Variants in CHDH observed in about 807,000 individuals in gnomAD.
CHDH encodes choline dehydrogenase, mitochondrial.
Under a neutral mutation model 56.9 loss-of-function variants are expected in CHDH, and 43 were observed. That is an observed-to-expected ratio of 0.76 (90% CI 0.59 to 0.97). The LOEUF is 0.97. Ranked by LOEUF, CHDH falls within the 50% of genes least tolerant of loss-of-function variation. The pLI is 0.00. For missense variants in CHDH, 816 were observed against 821.1 expected, an observed-to-expected ratio of 0.99 and a Z score of 0.08; for synonymous variants, 364 against 348.5, an observed-to-expected ratio of 1.04 and a Z score of -0.50.
At position 53,836,885 on chromosome 3, in the gene CHDH, C is replaced by T. The variant is rs373376561; in HGVS notation, c.-60+4044G>A. On this transcript the variant is annotated intron_variant, in intron 2 of 8. Transcript: ENST00000315251. Reference sequence around the variant, plus strand: ...ATCAAAACCAACATGATGGACACTTCGTATGTCTGTTGCACCTCAATTAAA... The same window carrying T: ...ATCAAAACCAACATGATGGACACTTTGTATGTCTGTTGCACCTCAATTAAA... 1.5e-4 allele frequency among the ~76,000 whole-genome samples: 23 copies of T among 152,326 alleles called. No homozygotes were observed. The East Asian group carries it at 3.1e-3, about 20-fold the overall frequency.
chr3:53,836,107 G>GACC (rs1698486309), intron 2 of CHDH, among the ~76,000 whole-genome samples: 2 of 152,208 alleles, frequency 1.3e-5, no homozygotes, highest in Non-Finnish European at 2.9e-5. Context: ...GCCCTGTGGT[G>GACC]GGCTGAGGGG....
intron 1 of CHDH, among the ~76,000 whole-genome samples, chr3:53,842,366 T>G (rs1376448143): frequency 6.6e-6 from 1 of 152,176 alleles, no homozygotes; most frequent in Non-Finnish European, 1.5e-5. Context: ...TCCTGTTGCA[T>G]GTGCCCAACA....
At chr3:53,821,497 T>C in intron 5 of CHDH, 150 bp downstream of exon 5, 1 of 683,750 alleles carries the variant, frequency 1.5e-6, no homozygotes, top group South Asian at 2.1e-5. Flanking sequence ...CAGTGAGGCC[T>C]GGGAAACCTT....
At chr3:53,844,007 A>T (rs1698764304) in intron 1 of CHDH, among the ~76,000 whole-genome samples, 1 of 152,132 alleles carries the variant, frequency 6.6e-6, no homozygotes. Context: ...GCTAGGGGGG[A>T]AAACCCCCGA....
Position 53,846,126 on chromosome 3 carries a change from G to A in CHDH, c.-174C>T, listed in dbSNP as rs937434599. 2 of 153,214 alleles carry A rather than the reference G, an allele frequency of 1.3e-5. No individual in the cohort carries two copies. The highest frequency in any genetic ancestry group is 4.8e-5 in the African/African-American group (2 of 41,488). The allele number at this position is 153,214 out of a possible 1,614,324, so 9.5% of individuals were successfully genotyped here. A position where few individuals can be genotyped will look rare whatever the true frequency, so the allele number is the denominator to read the frequency against. On this transcript the variant is annotated 5_prime_UTR_variant, in exon 1 of 9. Coordinates refer to ENST00000315251, the MANE Select transcript of CHDH (RefSeq NM_018397.5). ...GAGCCCGACAGTCGGGACCGGAGCG[G>A]GAGGAGCGGGTGGCCGCGGCCCGGC...
chr3:53,820,587 T>G lies in CHDH; in HGVS notation c.1007A>C (p.Asp336Ala). 1 of 1,608,504 alleles carries G rather than the reference T, an allele frequency of 6.2e-7. No individual in the cohort carries two copies. The highest frequency in any genetic ancestry group is 1.1e-5 in the South Asian group (1 of 90,362). Residue 336 changes from aspartate (D) to alanine (A), a missense_variant, in exon 6 of 9, where the codon GAC (aspartate) becomes GCC (alanine). Physicochemically the swap from Asp to Ala is moderately radical, Grantham distance 126. Transcript: ENST00000315251. The stretch of plus-strand genomic sequence containing the variant: ...CTGCTGAATGTAGATCTCCAGGTGG[T>G]CTTGCAGGTTCTGGCCAACCCCTGA... Reference protein sequence around the residue: ...HLPGVGQNLQDHLEIYIQQAC... With the variant: ...HLPGVGQNLQAHLEIYIQQAC...
intron 1 of CHDH, among the ~76,000 whole-genome samples, chr3:53,844,405 GTC>G (rs1359506111): frequency 1.8e-4 from 27 of 152,076 alleles, no homozygotes; most frequent in Non-Finnish European, 3.8e-4. Context: ...AGTGCCCTTG[GTC>G]TCTCTGCCCC....
chr3:53,827,640 T>C (rs112160062), intron 2 of CHDH, among the ~76,000 whole-genome samples: 1,535 of 152,066 alleles, frequency 0.01, 31 homozygotes, highest in African/African-American at 0.035. Context: ...TGCCCCTAAA[T>C]AAATAAATAA....
chr3:53,835,397 C>G (rs1220697588), intron 2 of CHDH, among the ~76,000 whole-genome samples: 1 of 152,236 alleles, frequency 6.6e-6, no homozygotes, highest in African/African-American at 2.4e-5. Context: ...CTGAAGTCAG[C>G]ACTGCCCCAG....
chr3:53,823,375 G>C lies in CHDH; in HGVS notation c.634C>G (p.Pro212Ala), dbSNP rs1219483465. 1.9e-6 allele frequency: 3 copies of C among 1,605,796 alleles called. No homozygotes were observed. The highest frequency in any genetic ancestry group is 2.6e-6 in the Non-Finnish European group (3 of 1,175,606). The change falls in exon 3 of 9, where the codon CCG becomes GCG. Residue 212 changes from proline (P) to alanine (A), a missense_variant. Pro to Ala is a conservative substitution (Grantham distance 27). Transcript: ENST00000315251. ...FLEATQQAGY[P>A]LTEDMNGFQQ... is the part of the protein sequence containing the mutation. ...AAGCCATTCATGTCCTCGGTGAGCG[G>C]GTAGCCGGCCTGCTGCGTGGCCTCC... is the stretch of plus-strand genomic sequence containing the variant.
At chr3:53,826,960 A>T (rs1475918402) in intron 2 of CHDH, among the ~76,000 whole-genome samples, 1 of 152,236 alleles carries the variant, frequency 6.6e-6, no homozygotes, top group Non-Finnish European at 1.5e-5. Flanking sequence ...AAACAAGTGG[A>T]ATTTGAAATT....
chr3:53,819,487 G>C lies in CHDH; in HGVS notation c.1263+45C>G. On this transcript the variant is annotated intron_variant, in intron 7 of 8. Transcript: ENST00000315251. The surrounding 1 kb of genome is among the most constrained non-coding windows in gnomAD (Gnocchi z 5.4). ...AGATGGGAGCATCTTCCTTCCTGGT[G>C]GGAAGGAGACATCCTGGGAAGCCGA... The C allele has an allele frequency of 6.4e-7, 1 of 1,564,698 alleles. No homozygotes were observed. Among genetic ancestry groups the C allele is most frequent in the South Asian group, 1.2e-5 (1 of 82,908 alleles).
Position 53,832,821 on chromosome 3 carries a change from C to G in CHDH, c.-60+8108G>C, listed in dbSNP as rs561725340. ...GTTATTGTTTGGGGGAACAGAGCTT[C>G]TGTTTGAGGTGATGCAAAAAAAATT... On this transcript the variant is annotated intron_variant, in intron 2 of 8. Transcript: ENST00000315251. Among the ~76,000 whole-genome samples the G allele has an allele frequency of 2.0e-3, 299 of 152,248 alleles. 2 individuals are homozygous for G. Among genetic ancestry groups the G allele is most frequent in the African/African-American group, 6.9e-3 (288 of 41,556 alleles).
intron 2 of CHDH, among the ~76,000 whole-genome samples, chr3:53,827,107 C>T (rs1342684258): frequency 5.3e-5 from 8 of 152,020 alleles, no homozygotes; most frequent in Admixed American, 4.6e-4. Context: ...ATAGAAATAC[C>T]CCATCTGATA....
At chr3:53,832,945 C>T (rs992502686) in intron 2 of CHDH, among the ~76,000 whole-genome samples, 1 of 152,102 alleles carries the variant, frequency 6.6e-6, no homozygotes, top group Non-Finnish European at 1.5e-5. Context: ...ATCCTACATG[C>T]GACTGAATTC....
chr3:53,833,234 C>G (rs995112980), intron 2 of CHDH, among the ~76,000 whole-genome samples: 1 of 152,234 alleles, frequency 6.6e-6, no homozygotes, highest in Admixed American at 6.5e-5. Flanking sequence ...TGAAGACAGA[C>G]GCCTTCTTCC....
chr3:53,834,134 T>C (rs927041036), intron 2 of CHDH, among the ~76,000 whole-genome samples: 33 of 152,310 alleles, frequency 2.2e-4, no homozygotes, highest in Middle Eastern at 3.4e-3. Context: ...ACAATTCTCA[T>C]TTCAAATTCT....
At chr3:53,830,952 C>T (rs1332532156) in intron 2 of CHDH, among the ~76,000 whole-genome samples, 1 of 152,072 alleles carries the variant, frequency 6.6e-6, no homozygotes, top group Non-Finnish European at 1.5e-5. Flanking sequence ...GAGGAGAGCA[C>T]CAAGAGGGCT....
rs1199903294 is a variant in CHDH, at chr3:53,846,313, C to T, written c.-361G>A. The T allele has an allele frequency of 4.0e-5, 16 of 398,376 alleles. No individual in the cohort carries two copies. The highest frequency in any genetic ancestry group is 4.7e-5 in the Admixed American group (1 of 21,238). The allele number at this position is 398,376 out of a possible 1,614,324, so 24.7% of individuals were successfully genotyped here. On this transcript the variant is annotated 5_prime_UTR_variant, in exon 1 of 9. The change creates a new upstream start codon in the 5' untranslated region. Coordinates refer to ENST00000315251, the MANE Select transcript of CHDH (RefSeq NM_018397.5). The stretch of plus-strand genomic sequence containing the variant: ...CCCGAGGGCGGGTGCAGCTGATGCA[C>T]CTGGCTCACTGCATGCACGTGTGCG...
Sources: allele counts gnomAD v4.1 joint callset (sites outside exome capture counted in the v4.1 genomes callset), GRCh38; gene constraint gnomAD v4.1.1; non-coding constraint Gnocchi (gnomAD v3.1); transcripts MANE v1.5; gene names NCBI Gene and HGNC (gene_info 2026-07-23, HGNC 2026-07-21).